CAMTA1: variants seen among roughly 807,000 people sequenced by gnomAD.
The protein encoded by CAMTA1 is calmodulin-binding transcription activator 1.
Under a neutral mutation model 170.9 loss-of-function variants are expected in CAMTA1, and 27 were observed. That is an observed-to-expected ratio of 0.16 (90% CI 0.12 to 0.22). The LOEUF (loss-of-function observed/expected upper bound fraction) is 0.22. Ranked by LOEUF, CAMTA1 falls within the 10% of genes least tolerant of loss-of-function variation. The probability of loss-of-function intolerance (pLI) is 1.00; values close to 1 mark genes in which losing one functional copy is unlikely to be tolerated. For missense variants in CAMTA1, 1,619 were observed against 2,217.2 expected (o/e 0.73, Z 5.42); for synonymous variants, 833 against 891.5 (o/e 0.93, Z 1.17).
chr1:7,745,403 G>C (rs180691027), intron 17 of CAMTA1, among the ~76,000 whole-genome samples: 327 of 152,226 alleles, frequency 2.1e-3, no homozygotes, highest in African/African-American at 7.3e-3. Context: ...ATAGGCGCCT[G>C]TAATCCCAGC....
chr1:7,193,845 G>A (rs552731549), intron 4 of CAMTA1, among the ~76,000 whole-genome samples: 2 of 152,338 alleles, frequency 1.3e-5, no homozygotes, highest in Admixed American at 1.3e-4. Flanking sequence ...GGATTTTACA[G>A]AAGAGGCTGA....
chr1:7,636,773 G>A (rs1381555490), intron 6 of CAMTA1, among the ~76,000 whole-genome samples: 1 of 151,754 alleles, frequency 6.6e-6, no homozygotes, highest in Non-Finnish European at 1.5e-5. Flanking sequence ...CCAGATGTCA[G>A]GAGAACACAG....
At chr1:7,427,996 G>A (rs760566904) in intron 5 of CAMTA1, among the ~76,000 whole-genome samples, 66 of 152,202 alleles carry the variant, frequency 4.3e-4, no homozygotes, top group Non-Finnish European at 1.6e-4. Context: ...GCTCCAGGAC[G>A]TGCTGCTGCC....
chr1:7,572,741 T>G (rs1269559716), intron 6 of CAMTA1, among the ~76,000 whole-genome samples: 1 of 152,164 alleles, frequency 6.6e-6, no homozygotes, highest in African/African-American at 2.4e-5. Flanking sequence ...CCTGGGGGTT[T>G]AGGATTTCAA....
At chr1:7,573,773 G>A (rs1341502671) in intron 6 of CAMTA1, among the ~76,000 whole-genome samples, 1 of 152,014 alleles carries the variant, frequency 6.6e-6, no homozygotes, top group African/African-American at 2.4e-5. Flanking sequence ...GGTTTTTTTG[G>A]GTTTGTTCTT....
At chr1:7,099,530 G>T (rs1243088136) in intron 4 of CAMTA1, among the ~76,000 whole-genome samples, 1 of 152,148 alleles carries the variant, frequency 6.6e-6, no homozygotes, top group African/African-American at 2.4e-5. Flanking sequence ...TAAATATGTT[G>T]ACTCTGCTGT....
intron 5 of CAMTA1, among the ~76,000 whole-genome samples, chr1:7,321,223 C>T (rs2149684630): frequency 6.6e-6 from 1 of 152,326 alleles, no homozygotes; most frequent in Non-Finnish European, 1.5e-5. Context: ...TCCCAGGCAT[C>T]CAACTTTGAT....
chr1:7,118,696 C>T (rs1057043066), intron 4 of CAMTA1, among the ~76,000 whole-genome samples: 5 of 151,994 alleles, frequency 3.3e-5, no homozygotes, highest in African/African-American at 9.7e-5. Flanking sequence ...ATGTGTGTCC[C>T]GGTGCGCTAG....
At chr1:7,524,681 T>C (rs1245405466) in intron 6 of CAMTA1, among the ~76,000 whole-genome samples, 1 of 152,158 alleles carries the variant, frequency 6.6e-6, no homozygotes, top group Non-Finnish European at 1.5e-5. Flanking sequence ...GTTCCCTCAT[T>C]TGTTAAACTT....
chr1:6,986,976 C>A (rs1412394329), intron 3 of CAMTA1, among the ~76,000 whole-genome samples: 1 of 152,046 alleles, frequency 6.6e-6, no homozygotes, highest in South Asian at 2.1e-4. Flanking sequence ...ATGAGACCCC[C>A]TAGGGCCAGG....
intron 5 of CAMTA1, among the ~76,000 whole-genome samples, chr1:7,258,541 G>C (rs1334128283): frequency 6.6e-6 from 1 of 152,170 alleles, no homozygotes; most frequent in Non-Finnish European, 1.5e-5. Flanking sequence ...ACTGAGTGAG[G>C]TATTACCCAG....
At chr1:6,855,170 C>T (rs945409664) in intron 3 of CAMTA1, among the ~76,000 whole-genome samples, 5 of 152,020 alleles carry the variant, frequency 3.3e-5, no homozygotes, top group Non-Finnish European at 7.4e-5. Context: ...ATTCTGGACA[C>T]AATTGCAATT....
rs563343318 is a variant in CAMTA1 at position 7,333,314 on chromosome 1, T to C, written c.438+83688T>C. On this transcript the variant is annotated intron_variant, in intron 5 of 22. Coordinates refer to ENST00000303635, the MANE Select transcript of CAMTA1 (RefSeq NM_015215.4). The surrounding 1 kb of genome is among the most constrained non-coding windows in gnomAD (Gnocchi z 4.4). ...GCAATTGACATGAGTTGAACCTAGT[T>C]GTCATTCCTGCCGGTGAGGGAGAGA... Among the ~76,000 whole-genome samples the C allele has an allele frequency of 2.2e-4, 33 of 152,302 alleles. No homozygotes were observed. The South Asian group carries it at 6.2e-3, about 29-fold the overall frequency.
At chr1:7,690,206 T>C (rs947345359) in intron 11 of CAMTA1, among the ~76,000 whole-genome samples, 3 of 152,202 alleles carry the variant, frequency 2.0e-5, no homozygotes, top group African/African-American at 7.2e-5. Flanking sequence ...GGGCGGCTTC[T>C]GTGTGGTGGG....
At chr1:7,545,361 A>G (rs535964091) in intron 6 of CAMTA1, among the ~76,000 whole-genome samples, 4 of 152,250 alleles carry the variant, frequency 2.6e-5, no homozygotes, top group Non-Finnish European at 5.9e-5. Context: ...AAATCAGGAA[A>G]CAAACATTGA....
chr1:7,710,934 AGG>A (rs1293071882), intron 11 of CAMTA1, among the ~76,000 whole-genome samples: 1 of 152,144 alleles, frequency 6.6e-6, no homozygotes, highest in African/African-American at 2.4e-5. Context: ...CTCTTGAATA[AGG>A]GGACATGGTC....
intron 6 of CAMTA1, among the ~76,000 whole-genome samples, chr1:7,558,394 A>G (rs1169502599): frequency 2.0e-5 from 3 of 152,204 alleles, no homozygotes; most frequent in Admixed American, 2.0e-4. Context: ...CCCAGGAGCC[A>G]ACACGCCGTG....
intron 3 of CAMTA1, among the ~76,000 whole-genome samples, chr1:6,892,894 A>C (rs539806983): frequency 8.5e-5 from 13 of 152,060 alleles, no homozygotes; most frequent in Non-Finnish European, 1.5e-4. Flanking sequence ...TCTGTACTAC[A>C]AAGTAAAATG....
chr1:6,963,744 T>C (rs537806374), intron 3 of CAMTA1, among the ~76,000 whole-genome samples: 96 of 152,104 alleles, frequency 6.3e-4, no homozygotes, highest in African/African-American at 2.3e-3. Flanking sequence ...GCCTGGGGGC[T>C]GGGCGCGGCT....
Sources: allele counts gnomAD v4.1 joint callset (sites outside exome capture counted in the v4.1 genomes callset), GRCh38; gene constraint gnomAD v4.1.1; non-coding constraint Gnocchi (gnomAD v3.1); transcripts MANE v1.5; gene names NCBI Gene and HGNC (gene_info 2026-07-23, HGNC 2026-07-21).